The following DCAF10 variants were observed in gnomAD, a reference collection of about 807,000 sequenced individuals.
The protein encoded by DCAF10 is DDB1- and CUL4-associated factor 10.
A neutral mutation model predicts 51.9 loss-of-function variants in DCAF10; 19 were observed. That is an observed-to-expected ratio of 0.37 (90% CI 0.26 to 0.54). DCAF10 has a LOEUF of 0.54. DCAF10 is among the 20% of genes least tolerant of loss of function. The pLI is 0.87. For missense variants in DCAF10, 510 were observed against 730.6 expected (o/e 0.70, Z 3.48); for synonymous variants, 291 against 297.1 (o/e 0.98, Z 0.21).
At chr9:37,832,783 A>G (rs1445525794) in intron 2 of DCAF10, among the ~76,000 whole-genome samples, 3 of 152,232 alleles carry the variant, frequency 2.0e-5, no homozygotes, top group African/African-American at 7.2e-5. Flanking sequence ...TGAATAACTC[A>G]CAGGACTAAG....
intron 2 of DCAF10, among the ~76,000 whole-genome samples, chr9:37,821,115 ACACT>A (rs1259643048): frequency 1.3e-5 from 2 of 152,046 alleles, no homozygotes; most frequent in South Asian, 2.1e-4. Context: ...ACACACACAC[ACACT>A]CACACATATG....
chr9:37,855,120 A>G (rs1830809392), intron 4 of DCAF10, 138 bp downstream of exon 4: 2 of 731,218 alleles, frequency 2.7e-6, no homozygotes, highest in Non-Finnish European at 4.4e-6. Context: ...AAGCTCATTG[A>G]TGGGTTTTTA....
chr9:37,853,381 C>G (rs1830747368), intron 3 of DCAF10, among the ~76,000 whole-genome samples: 1 of 141,682 alleles, frequency 7.1e-6, no homozygotes, highest in Admixed American at 7.3e-5. Context: ...CCATTGCACT[C>G]CAGCCTGGGC....
At position 37,837,845 on chromosome 9, in the gene DCAF10, CA is replaced by C. The variant is rs111802269; in HGVS notation, c.654-4230del. On this transcript the variant is annotated intron_variant, in intron 2 of 6. Transcript: ENST00000377724. ...TGTTGAATACATACTGCTTGTGTGT[CA>C]AAAAAAAAAAAAAGAATTAAAATTT... Among the ~76,000 whole-genome samples the C allele has an allele frequency of 5.1e-3, 681 of 133,274 alleles. 2 individuals carry two copies. Among genetic ancestry groups the C allele is most frequent in the Admixed American group, 5.1e-3 (66 of 13,034 alleles). The allele number at this position is 133,274 out of a possible 152,430, so 87.4% of individuals were successfully genotyped here.
chr9:37,859,946 A>G, intron 5 of DCAF10, 102 bp from the exon 6 acceptor site: 1 of 1,378,126 alleles, frequency 7.3e-7, no homozygotes, highest in Non-Finnish European at 1.0e-6. Context: ...CAGACTAAGG[A>G]ATGACGGCAT....
chr9:37,863,114 T>G lies in DCAF10; in HGVS notation c.*1606T>G, dbSNP rs1264839679. 3.3e-5 allele frequency: 5 copies of G among 151,664 alleles called. No individual in the cohort carries two copies. Among genetic ancestry groups the G allele is most frequent in the Admixed American group, 2.6e-4 (4 of 15,224 alleles). 9.4% of individuals were successfully genotyped at this position (151,664 alleles called of 1,614,324 possible). A position where few individuals can be genotyped will look rare whatever the true frequency, so the allele number is the denominator to read the frequency against. ...AGGCCGAGGTGGGTGGATCACAAGGTCAGGAGTTCGAGACCAGCCTGACCA... is the reference window on the plus strand; with the variant it reads ...AGGCCGAGGTGGGTGGATCACAAGGGCAGGAGTTCGAGACCAGCCTGACCA... On this transcript the variant is annotated 3_prime_UTR_variant, in exon 7 of 7. Coordinates refer to ENST00000377724, the MANE Select transcript of DCAF10 (RefSeq NM_024345.5).
rs530122220 is a variant in DCAF10 at position 37,838,131 on chromosome 9, ATTATC to A, written c.654-3955_654-3951del. Among the ~76,000 whole-genome samples, 202 of 152,350 alleles carry A rather than the reference ATTATC, an allele frequency of 1.3e-3. 1 individual carries two copies. The highest frequency in any genetic ancestry group is 4.1e-3 in the African/African-American group (171 of 41,590). On this transcript the variant is annotated intron_variant, in intron 2 of 6. Coordinates refer to ENST00000377724, the MANE Select transcript of DCAF10 (RefSeq NM_024345.5). ...TGCACAGTGTTTGAAAAACGGATAT[ATTATC>A]TTTAAAGATTTTTTTTACAACTCAG... is the stretch of plus-strand genomic sequence containing the variant.
chr9:37,860,018 A>G, intron 5 of DCAF10, 30 bp from the exon 6 acceptor site: 1 of 1,612,624 alleles, frequency 6.2e-7, no homozygotes, highest in Non-Finnish European at 8.5e-7. Flanking sequence ...GATAATACAA[A>G]TCCCACATCC....
chr9:37,855,032 A>C, intron 4 of DCAF10, 50 bp downstream of exon 4: 1 of 1,499,070 alleles, frequency 6.7e-7, no homozygotes, highest in Non-Finnish European at 9.0e-7. Context: ...AATCTCAAAC[A>C]TAGAGATGGT....
chr9:37,851,867 T>G (rs537768451), intron 3 of DCAF10, among the ~76,000 whole-genome samples: 2 of 99,654 alleles, frequency 2.0e-5, no homozygotes, highest in Admixed American at 1.8e-4. Context: ...AAAAAGATAC[T>G]GAAATGAAAA....
chr9:37,807,555 C>T (rs190122627), intron 1 of DCAF10, among the ~76,000 whole-genome samples: 3 of 151,542 alleles, frequency 2.0e-5, no homozygotes, highest in Non-Finnish European at 4.4e-5. Flanking sequence ...ATGGTTATCA[C>T]CTGGTGAGCA....
At chr9:37,844,771 G>A (rs1252336604) in intron 3 of DCAF10, among the ~76,000 whole-genome samples, 5 of 152,198 alleles carry the variant, frequency 3.3e-5, no homozygotes, top group Non-Finnish European at 5.9e-5. Context: ...GGGAGGCAGA[G>A]GTGGCAGTGG....
intron 1 of DCAF10, among the ~76,000 whole-genome samples, chr9:37,812,589 G>A (rs1048122542): frequency 1.3e-5 from 2 of 152,146 alleles, no homozygotes. Context: ...AGGAAAGAAT[G>A]AAAAGAACAA....
intron 4 of DCAF10, among the ~76,000 whole-genome samples, chr9:37,855,352 A>T (rs928665200): frequency 6.6e-6 from 1 of 152,212 alleles, no homozygotes; most frequent in Non-Finnish European, 1.5e-5. Context: ...CAGAGCTTTT[A>T]TTAAATTATG....
intron 2 of DCAF10, among the ~76,000 whole-genome samples, chr9:37,833,381 T>G (rs1029314028): frequency 6.6e-5 from 10 of 152,244 alleles, no homozygotes; most frequent in Admixed American, 1.3e-4. Flanking sequence ...CAGATAAACA[T>G]CATAAAGTCA....
chr9:37,859,871 C>T (rs191763499), intron 5 of DCAF10, among the ~76,000 whole-genome samples, 177 bp from the exon 6 acceptor site: 19 of 152,254 alleles, frequency 1.2e-4, no homozygotes, highest in Non-Finnish European at 2.4e-4. Flanking sequence ...ACCTTCACCC[C>T]GCCAAAACTC....
rs5897701 is a variant in DCAF10, at chr9:37,807,658, CTTTTTTTT to C, written c.539+6267_539+6274del. 6.9e-5 allele frequency among the ~76,000 whole-genome samples: 5 copies of C among 72,540 alleles called. 1 individual carries two copies. The highest frequency in any genetic ancestry group is 2.7e-4 in the African/African-American group (5 of 18,756). 47.6% of individuals were successfully genotyped at this position (72,540 alleles called of 152,430 possible). A position where few individuals can be genotyped will look rare whatever the true frequency, so the allele number is the denominator to read the frequency against. Reference sequence around the variant, plus strand: ...TTACCACTGAATTTTCTTTTCTTTTCTTTTTTTTTTTTTTTTTTTTTGAGACAGAGTTT... The same window carrying C: ...TTACCACTGAATTTTCTTTTCTTTTCTTTTTTTTTTTTTGAGACAGAGTTT... On this transcript the variant is annotated intron_variant, in intron 1 of 6. Transcript: ENST00000377724.
At chr9:37,805,111 A>C (rs186627588) in intron 1 of DCAF10, among the ~76,000 whole-genome samples, 1 of 152,366 alleles carries the variant, frequency 6.6e-6, no homozygotes, top group East Asian at 1.9e-4. Context: ...TTAAATATGT[A>C]TGTACATGTT....
chr9:37,853,583 A>G (rs1317160645), intron 3 of DCAF10, among the ~76,000 whole-genome samples: 3 of 152,098 alleles, frequency 2.0e-5, no homozygotes, highest in East Asian at 1.9e-4. Context: ...TGGAAGTTTT[A>G]CAACTTTTTC....
Sources: allele counts gnomAD v4.1 joint callset (sites outside exome capture counted in the v4.1 genomes callset), GRCh38; gene constraint gnomAD v4.1.1; transcripts MANE v1.5; gene names NCBI Gene and HGNC (gene_info 2026-07-23, HGNC 2026-07-21).